TAFA5: variants seen among roughly 807,000 people sequenced by gnomAD.
TAFA5 encodes chemokine-like protein TAFA-5.
TAFA5 carries 6 observed loss-of-function variants against 15.3 expected under a neutral mutation model. That is an observed-to-expected ratio of 0.39 (90% CI 0.21 to 0.77). The LOEUF is 0.77. Ranked by LOEUF, TAFA5 falls within the 30% of genes least tolerant of loss-of-function variation. The pLI is 0.41. For synonymous variants in TAFA5, 103 were observed against 80.7 expected (o/e 1.28, Z -1.48); for missense variants, 161 against 193.1 (o/e 0.83, Z 0.98).
intron 1 of TAFA5, among the ~76,000 whole-genome samples, chr22:48,558,496 T>C (rs1042237627): frequency 1.4e-4 from 22 of 152,140 alleles, no homozygotes; most frequent in Admixed American, 3.3e-4. Context: ...AAGCCAATAA[T>C]GAAGTGATTA....
intron 2 of TAFA5, among the ~76,000 whole-genome samples, chr22:48,704,200 G>GCGCACA (rs1003524010): frequency 6.7e-6 from 1 of 150,108 alleles, no homozygotes; most frequent in African/African-American, 2.5e-5. Flanking sequence ...ACACACACGC[G>GCGCACA]CACACACACA....
At chr22:48,507,813 G>T (rs181528530) in intron 1 of TAFA5, among the ~76,000 whole-genome samples, 39 of 152,268 alleles carry the variant, frequency 2.6e-4, no homozygotes, top group Middle Eastern at 3.4e-3. Context: ...GATGGACAGC[G>T]CCCCCTCCCC....
chr22:48,580,651 T>C (rs777019131), intron 1 of TAFA5, among the ~76,000 whole-genome samples: 9 of 152,196 alleles, frequency 5.9e-5, no homozygotes, highest in Non-Finnish European at 1.2e-4. Context: ...AGGAACTCAC[T>C]GCACGCGGTG....
At chr22:48,534,701 C>T (rs1569170603) in intron 1 of TAFA5, among the ~76,000 whole-genome samples, 2 of 152,208 alleles carry the variant, frequency 1.3e-5, no homozygotes, top group East Asian at 1.9e-4. Flanking sequence ...GGCTGCGCCC[C>T]CTCCACTGTC....
intron 1 of TAFA5, among the ~76,000 whole-genome samples, chr22:48,609,306 G>A (rs2147172166): frequency 6.6e-6 from 1 of 152,364 alleles, no homozygotes; most frequent in Admixed American, 6.5e-5. Context: ...AAGGAGCCAA[G>A]TTTCTGAGTT....
intron 1 of TAFA5, among the ~76,000 whole-genome samples, chr22:48,625,530 G>A (rs1413163462): frequency 6.6e-6 from 1 of 152,210 alleles, no homozygotes; most frequent in Non-Finnish European, 1.5e-5. Flanking sequence ...CATGCACAGT[G>A]CTTACGATCA....
chr22:48,681,609 C>T (rs1441870548), intron 2 of TAFA5, among the ~76,000 whole-genome samples: 4 of 149,352 alleles, frequency 2.7e-5, no homozygotes, highest in Admixed American at 1.3e-4. Context: ...CGAGATTGTG[C>T]CACTGCACTC....
rs1011340409 is a variant in TAFA5, at chr22:48,646,458, C to T, written c.113-139C>T. 1.2e-4 allele frequency: 134 copies of T among 1,093,132 alleles called. 1 individual carries two copies. Among genetic ancestry groups the T allele is most frequent in the Non-Finnish European group, 1.2e-4 (97 of 786,156 alleles). The allele number at this position is 1,093,132 out of a possible 1,614,324, so 67.7% of individuals were successfully genotyped here. On this transcript the variant is annotated intron_variant, in intron 1 of 3. Coordinates refer to ENST00000402357, the MANE Select transcript of TAFA5 (RefSeq NM_001082967.3). The stretch of plus-strand genomic sequence containing the variant: ...TGGCAGCCTTCGAGGTGCTTTCGGA[C>T]GCTCCCTCTGAGTGAAGCGGTCTCC...
chr22:48,719,951 G>C (rs1446663329), intron 3 of TAFA5, among the ~76,000 whole-genome samples: 1 of 152,170 alleles, frequency 6.6e-6, no homozygotes, highest in Non-Finnish European at 1.5e-5. Flanking sequence ...CATTATTTCT[G>C]TCTGCACTTT....
intron 3 of TAFA5, among the ~76,000 whole-genome samples, chr22:48,747,520 G>A (rs1930361680): frequency 6.6e-6 from 1 of 152,178 alleles, no homozygotes; most frequent in South Asian, 2.1e-4. Flanking sequence ...AGGGGTCCGT[G>A]GAGGTGGCAC....
rs1014037525 is a variant in TAFA5 at position 48,640,596 on chromosome 22, G to A, written c.113-6001G>A. 2.7e-5 allele frequency among the ~76,000 whole-genome samples: 4 copies of A among 149,008 alleles called. No individual in the cohort carries two copies. In the East Asian group the frequency reaches 5.8e-4, roughly 22 times the overall value. ...GTGGGTGATGAGAGGCGTTTACCCC[G>A]GGGCCATTTCTTGCAGAGGCTGGGC... On this transcript the variant is annotated intron_variant, in intron 1 of 3. Transcript: ENST00000402357.
At chr22:48,583,299 CCA>C (rs1281724727) in intron 1 of TAFA5, among the ~76,000 whole-genome samples, 7 of 149,044 alleles carry the variant, frequency 4.7e-5, no homozygotes, top group South Asian at 4.3e-4. Flanking sequence ...ACACCACACA[CCA>C]CACACACACC....
chr22:48,622,503 C>A (rs1925875530), intron 1 of TAFA5, among the ~76,000 whole-genome samples: 1 of 152,164 alleles, frequency 6.6e-6, no homozygotes, highest in Non-Finnish European at 1.5e-5. Context: ...TGGACAGAAA[C>A]TACTCAGGGG....
At chr22:48,683,541 G>T (rs972637804) in intron 2 of TAFA5, among the ~76,000 whole-genome samples, 2 of 152,236 alleles carry the variant, frequency 1.3e-5, no homozygotes, top group East Asian at 3.9e-4. Flanking sequence ...GCCAGAGCCA[G>T]GTCGTTGGGC....
At chr22:48,734,499 G>A (rs979944698) in intron 3 of TAFA5, among the ~76,000 whole-genome samples, 12 of 152,180 alleles carry the variant, frequency 7.9e-5, no homozygotes, top group African/African-American at 1.9e-4. Flanking sequence ...GTGTAGACAC[G>A]TGTGTGAACA....
chr22:48,617,700 C>T (rs1170584470), intron 1 of TAFA5, among the ~76,000 whole-genome samples: 1 of 152,174 alleles, frequency 6.6e-6, no homozygotes, highest in Non-Finnish European at 1.5e-5. Flanking sequence ...ATGCCTGAGG[C>T]GGGGGCTGGA....
intron 3 of TAFA5, among the ~76,000 whole-genome samples, chr22:48,749,131 C>T (rs577034129): frequency 4.6e-5 from 7 of 152,294 alleles, no homozygotes; most frequent in Non-Finnish European, 5.9e-5. Context: ...CAGGACGATG[C>T]GTCTCCCGGG....
chr22:48,607,113 C>G (rs999775973), intron 1 of TAFA5, among the ~76,000 whole-genome samples: 1 of 152,256 alleles, frequency 6.6e-6, no homozygotes, highest in African/African-American at 2.4e-5. Context: ...AGGCAGGGCC[C>G]GGTCCCGTTA....
chr22:48,670,497 G>A (rs1362434620), intron 2 of TAFA5, among the ~76,000 whole-genome samples: 1 of 152,242 alleles, frequency 6.6e-6, no homozygotes, highest in South Asian at 2.1e-4. Flanking sequence ...TCAGACTCAG[G>A]AGAGCTGCCG....
Sources: gnomAD v4.1 joint callset for allele counts (sites outside exome capture counted in the v4.1 genomes callset) on GRCh38, gnomAD v4.1.1 for gene constraint, MANE v1.5 for transcripts, NCBI Gene and HGNC (gene_info 2026-07-23, HGNC 2026-07-21) for gene names.